The following CALN1 variants were observed in gnomAD, a reference collection of about 807,000 sequenced individuals.
CALN1 encodes calcium-binding protein 8.
CALN1 carries 17 observed loss-of-function variants against 30.6 expected under a neutral mutation model. The observed-to-expected ratio is 0.56, with a 90% confidence interval of 0.38 to 0.83. The LOEUF is 0.83. Ranked by LOEUF, CALN1 falls within the 40% of genes least tolerant of loss-of-function variation. CALN1 has a pLI of 0.00. For synonymous variants in CALN1, 156 were observed against 131.4 expected, an observed-to-expected ratio of 1.19 and a Z score of -1.28; for missense variants, 291 against 354.9, an observed-to-expected ratio of 0.82 and a Z score of 1.45.
At chr7:72,221,040 T>G (rs1424006833) in intron 3 of CALN1, among the ~76,000 whole-genome samples, 1 of 152,348 alleles carries the variant, frequency 6.6e-6, no homozygotes, top group South Asian at 2.1e-4. Flanking sequence ...AGAAGCTCTT[T>G]AGTTCAATTA....
the CALN1 span, among the ~76,000 whole-genome samples, chr7:72,460,462 T>C: frequency 1.3e-5 from 2 of 151,432 alleles, no homozygotes; most frequent in African/African-American, 4.9e-5. Flanking sequence ...TGAAACCCCG[T>C]CTCTACTGAA....
chr7:71,860,703 T>C (rs759758175), intron 5 of CALN1, among the ~76,000 whole-genome samples: 18 of 152,174 alleles, frequency 1.2e-4, no homozygotes, highest in African/African-American at 3.6e-4. Flanking sequence ...ACCAGGTCAA[T>C]GTCACATTGC....
chr7:72,057,669 G>C (rs757408557), intron 4 of CALN1, among the ~76,000 whole-genome samples: 2 of 151,556 alleles, frequency 1.3e-5, no homozygotes, highest in Admixed American at 1.3e-4. Flanking sequence ...GTATTGTGAA[G>C]ATTACATGTT....
At chr7:72,322,360 G>C (rs539072329) in intron 2 of CALN1, among the ~76,000 whole-genome samples, 1 of 152,266 alleles carries the variant, frequency 6.6e-6, no homozygotes, top group South Asian at 2.1e-4. Flanking sequence ...AAATACAGAA[G>C]CAGCACCGCT....
intron 2 of CALN1, among the ~76,000 whole-genome samples, chr7:72,399,356 C>T (rs1418371778): frequency 6.9e-6 from 1 of 144,696 alleles, no homozygotes; most frequent in Non-Finnish European, 1.5e-5. Context: ...CTGCAACATC[C>T]GCCTCCCAGG....
chr7:72,199,822 A>G (rs1337834023), intron 3 of CALN1, among the ~76,000 whole-genome samples: 2 of 152,118 alleles, frequency 1.3e-5, no homozygotes, highest in African/African-American at 4.8e-5. Context: ...CCTGGGAGAC[A>G]GAGTCCCAAC....
intron 5 of CALN1, among the ~76,000 whole-genome samples, chr7:71,890,828 C>T (rs1053486611): frequency 1.3e-5 from 2 of 149,092 alleles, no homozygotes; most frequent in African/African-American, 4.9e-5. Context: ...TCACTGCAGC[C>T]GGAAACTCCC....
intron 4 of CALN1, among the ~76,000 whole-genome samples, chr7:72,051,156 G>A (rs1157621200): frequency 6.6e-6 from 1 of 151,716 alleles, no homozygotes; most frequent in African/African-American, 2.4e-5. Flanking sequence ...AGTTAATTGG[G>A]AAATTCACAA....
chr7:72,500,699 A>C, the CALN1 span, among the ~76,000 whole-genome samples: 86,936 of 151,518 alleles, frequency 0.57, 26,107 homozygotes, highest in African/African-American at 0.77. Context: ...TAAAAAAAAA[A>C]CTAAAACTGA....
At chr7:72,193,115 G>A (rs1433983227) in intron 3 of CALN1, among the ~76,000 whole-genome samples, 1 of 151,712 alleles carries the variant, frequency 6.6e-6, no homozygotes, top group African/African-American at 2.4e-5. Flanking sequence ...TTGAACACAG[G>A]AAGCAGAGGT....
intron 3 of CALN1, among the ~76,000 whole-genome samples, chr7:72,274,328 T>A (rs1797199080): frequency 6.6e-6 from 1 of 151,958 alleles, no homozygotes; most frequent in Non-Finnish European, 1.5e-5. Flanking sequence ...GCCAACATGG[T>A]GAAACCCTGT....
At chr7:72,272,026 C>T (rs1156732958) in intron 3 of CALN1, among the ~76,000 whole-genome samples, 1 of 148,560 alleles carries the variant, frequency 6.7e-6, no homozygotes, top group African/African-American at 2.5e-5. Flanking sequence ...CGTGCCACCG[C>T]ACTCCACCCT....
chr7:72,180,607 CT>C (rs150600925), intron 3 of CALN1, among the ~76,000 whole-genome samples: 112 of 89,978 alleles, frequency 1.2e-3, no homozygotes, highest in African/African-American at 2.3e-3. Context: ...GCTTTTTTTT[CT>C]TTTTTTTTTT....
At chr7:71,868,888 G>A (rs1333120462) in intron 5 of CALN1, among the ~76,000 whole-genome samples, 1 of 152,238 alleles carries the variant, frequency 6.6e-6, no homozygotes, top group Non-Finnish European at 1.5e-5. Flanking sequence ...CACTGTGTTT[G>A]TAGCCTAAGA....
intron 1 of CALN1, among the ~76,000 whole-genome samples, chr7:72,442,493 A>T (rs1808379010): frequency 6.6e-6 from 1 of 151,930 alleles, no homozygotes; most frequent in East Asian, 1.9e-4. Flanking sequence ...GCACTTTATT[A>T]AAGATTGCAC....
intron 2 of CALN1, among the ~76,000 whole-genome samples, chr7:72,399,980 C>G (rs969198562): frequency 1.3e-5 from 2 of 152,168 alleles, no homozygotes; most frequent in African/African-American, 4.8e-5. Context: ...GCCTGCTCCC[C>G]CTTTGCGTTC....
upstream of CALN1, among the ~76,000 whole-genome samples, chr7:72,413,866 A>G (rs1246178679): frequency 6.7e-6 from 1 of 149,684 alleles, no homozygotes; most frequent in Non-Finnish European, 1.5e-5. Flanking sequence ...ACACACTCGT[A>G]TACACATGCA....
intron 5 of CALN1, among the ~76,000 whole-genome samples, chr7:71,956,695 ATTATT>A (rs1019082084): frequency 2.2e-4 from 33 of 151,708 alleles, no homozygotes; most frequent in Middle Eastern, 3.4e-3. Context: ...ATTTTATTTT[ATTATT>A]TTATTTTATT....
At chr7:71,912,912 C>T (rs1794497291) in intron 5 of CALN1, among the ~76,000 whole-genome samples, 1 of 152,192 alleles carries the variant, frequency 6.6e-6, no homozygotes, top group Middle Eastern at 3.2e-3. Flanking sequence ...TCTGCCACTA[C>T]CGACTTGACG....
Sources: allele counts gnomAD v4.1 joint callset (sites outside exome capture counted in the v4.1 genomes callset), GRCh38; gene constraint gnomAD v4.1.1; transcripts MANE v1.5; gene names NCBI Gene and HGNC (gene_info 2026-07-23, HGNC 2026-07-21).